PLEKHF2: variants seen among roughly 807,000 people sequenced by gnomAD.
PLEKHF2 encodes pleckstrin homology domain-containing family F member 2.
Under a neutral mutation model 14.7 loss-of-function variants are expected in PLEKHF2, and 4 were observed. That is an observed-to-expected ratio of 0.27 (90% confidence interval 0.13 to 0.62). PLEKHF2 has a LOEUF of 0.62. PLEKHF2 is among the 20% of genes least tolerant of loss of function. The pLI is 0.85. For synonymous variants in PLEKHF2, 90 were observed against 103.5 expected (o/e 0.87, Z 0.79); for missense variants, 201 against 307.7 (o/e 0.65, Z 2.60).
intron 1 of PLEKHF2, among the ~76,000 whole-genome samples, chr8:95,141,488 A>G (rs1810438584): frequency 6.6e-6 from 1 of 152,216 alleles, no homozygotes; most frequent in East Asian, 1.9e-4. Context: ...TTCCCACTAA[A>G]TAACTCCCCT....
intron 1 of PLEKHF2, among the ~76,000 whole-genome samples, chr8:95,138,897 C>CT (rs772291676): frequency 5.3e-5 from 8 of 152,114 alleles, no homozygotes; most frequent in Non-Finnish European, 8.8e-5. Flanking sequence ...ACTTTGTACA[C>CT]TTTTAATTTT....
chr8:95,154,815 A>C lies in PLEKHF2; in HGVS notation c.*21A>C. The C allele has an allele frequency of 6.2e-7, 1 of 1,607,848 alleles. No homozygotes were observed. The highest frequency in any genetic ancestry group is 8.5e-7 in the Non-Finnish European group (1 of 1,174,998). ...ACTAAGGACACATTTGGGAGTATTTAATCAGGTGTGGCTATCTGAGAAATC... is the reference window on the plus strand; with the variant it reads ...ACTAAGGACACATTTGGGAGTATTTCATCAGGTGTGGCTATCTGAGAAATC... On this transcript the variant is annotated 3_prime_UTR_variant, in exon 2 of 2. Coordinates refer to ENST00000315367, the MANE Select transcript of PLEKHF2 (RefSeq NM_024613.4). This position sits in a 1 kb window ranked among gnomAD's most constrained non-coding sequence, Gnocchi z 5.6.
At chr8:95,135,266 C>CTTT (rs1810363349) in intron 1 of PLEKHF2, among the ~76,000 whole-genome samples, 2 of 152,192 alleles carry the variant, frequency 1.3e-5, no homozygotes, top group African/African-American at 4.8e-5. Context: ...GTTAAATGAA[C>CTTT]TGAAAAGGCT....
At chr8:95,136,820 A>G (rs1242597390) in intron 1 of PLEKHF2, among the ~76,000 whole-genome samples, 2 of 152,252 alleles carry the variant, frequency 1.3e-5, no homozygotes, top group African/African-American at 4.8e-5. Context: ...ACTTAACTGA[A>G]TAAAAAATAC....
intron 1 of PLEKHF2, among the ~76,000 whole-genome samples, chr8:95,151,441 C>A (rs1348128998): frequency 1.3e-5 from 2 of 151,676 alleles, no homozygotes; most frequent in African/African-American, 4.8e-5. Context: ...ATATTCTCCC[C>A]TATCCTTACC....
intron 1 of PLEKHF2, among the ~76,000 whole-genome samples, chr8:95,152,380 C>A (rs115895916): frequency 6.6e-6 from 1 of 152,178 alleles, no homozygotes; most frequent in African/African-American, 2.4e-5. Flanking sequence ...TACACATATT[C>A]TCTGTAGTGT....
At chr8:95,135,063 G>A (rs1472813533) in intron 1 of PLEKHF2, among the ~76,000 whole-genome samples, 1 of 152,008 alleles carries the variant, frequency 6.6e-6, no homozygotes, top group Admixed American at 6.6e-5. Flanking sequence ...CAGTATTAAC[G>A]AAGGCTTCAT....
chr8:95,138,702 A>G (rs1297561969), intron 1 of PLEKHF2, among the ~76,000 whole-genome samples: 1 of 152,164 alleles, frequency 6.6e-6, no homozygotes, highest in Non-Finnish European at 1.5e-5. Context: ...TATATGTGCT[A>G]TTTAGAAACT....
At position 95,154,024 on chromosome 8, in the gene PLEKHF2, T is replaced by G; in HGVS notation, c.-14-7T>G. 1 of 1,497,556 alleles carries G rather than the reference T, an allele frequency of 6.7e-7. No individual in the cohort carries two copies. The highest frequency in any genetic ancestry group is 8.9e-7 in the Non-Finnish European group (1 of 1,122,248). The allele number at this position is 1,497,556 out of a possible 1,614,324, so 92.8% of individuals were successfully genotyped here. A position where few individuals can be genotyped will look rare whatever the true frequency, so the allele number is the denominator to read the frequency against. On this transcript the variant is annotated splice_region_variant and splice_polypyrimidine_tract_variant and intron_variant, in intron 1 of 1. Transcript: ENST00000315367. This position sits in a 1 kb window ranked among gnomAD's most constrained non-coding sequence, Gnocchi z 5.6. ...ATGTGCTAATTTCTTTTTCTTTTTTTTAAAAGGCTATTAGTGAAAGATGGT... is the reference window on the plus strand; with the variant it reads ...ATGTGCTAATTTCTTTTTCTTTTTTGTAAAAGGCTATTAGTGAAAGATGGT...
intron 1 of PLEKHF2, among the ~76,000 whole-genome samples, chr8:95,147,436 CTCATT>C (rs1473748383): frequency 6.6e-6 from 1 of 151,914 alleles, no homozygotes; most frequent in Non-Finnish European, 1.5e-5. Context: ...TATTTTATAA[CTCATT>C]TCATAGAGTC....
chr8:95,156,343 CT>C lies in PLEKHF2; in HGVS notation c.*1551del, dbSNP rs1349492841. On this transcript the variant is annotated 3_prime_UTR_variant, in exon 2 of 2. Coordinates refer to ENST00000315367, the MANE Select transcript of PLEKHF2 (RefSeq NM_024613.4). ...CTGTTTGGTTAAGGCACTAATTTTA[CT>C]TACCTATTAGATTTTGAAAGTATCT... 3 of 166,966 alleles carry C rather than the reference CT, an allele frequency of 1.8e-5. No homozygotes were observed. Among genetic ancestry groups the C allele is most frequent in the East Asian group, 1.9e-4 (1 of 5,206 alleles). 10.3% of individuals were successfully genotyped at this position (166,966 alleles called of 1,614,324 possible).
chr8:95,144,006 T>A (rs1810464809), intron 1 of PLEKHF2, among the ~76,000 whole-genome samples: 1 of 152,044 alleles, frequency 6.6e-6, no homozygotes, highest in Non-Finnish European at 1.5e-5. Context: ...TAAAACATTA[T>A]GAGATTTTTT....
intron 1 of PLEKHF2, among the ~76,000 whole-genome samples, chr8:95,135,405 C>T (rs1810364780): frequency 6.6e-6 from 1 of 151,748 alleles, no homozygotes; most frequent in Non-Finnish European, 1.5e-5. Flanking sequence ...TTTTTCCTTC[C>T]TTCCTTTTCC....
At position 95,154,082 on chromosome 8, in the gene PLEKHF2, G is replaced by T; in HGVS notation, c.38G>T (p.Arg13Ile). 1 of 1,609,566 alleles carries T rather than the reference G, an allele frequency of 6.2e-7. No homozygotes were observed. Among genetic ancestry groups the T allele is most frequent in the South Asian group, 1.1e-5 (1 of 90,228 alleles). ...TTGGCAAACAGTGAAGCAAATACTAGACGTATAAGTATAGTGGAAAACTGT... is the reference window on the plus strand; with the variant it reads ...TTGGCAAACAGTGAAGCAAATACTATACGTATAAGTATAGTGGAAAACTGT... ...DRLANSEANT[R>I]RISIVENCFG... The change falls in exon 2 of 2, where the codon AGA (arginine) becomes ATA (isoleucine). Residue 13 changes from arginine (R) to isoleucine (I), a missense_variant. Coordinates refer to ENST00000315367, the MANE Select transcript of PLEKHF2 (RefSeq NM_024613.4). This position sits in a 1 kb window ranked among gnomAD's most constrained non-coding sequence, Gnocchi z 5.6.
intron 1 of PLEKHF2, among the ~76,000 whole-genome samples, chr8:95,138,930 A>T (rs972028647): frequency 2.0e-5 from 3 of 152,232 alleles, no homozygotes; most frequent in African/African-American, 4.8e-5. Context: ...TGGAAATAGA[A>T]TTGTTGTATA....
intron 1 of PLEKHF2, among the ~76,000 whole-genome samples, chr8:95,148,495 A>G (rs186384420): frequency 1.3e-5 from 2 of 152,232 alleles, no homozygotes; most frequent in African/African-American, 4.8e-5. Context: ...CATAAGAATT[A>G]TGAAACAGAT....
chr8:95,149,058 A>G (rs1439901690), intron 1 of PLEKHF2, among the ~76,000 whole-genome samples: 2 of 152,142 alleles, frequency 1.3e-5, no homozygotes, highest in African/African-American at 4.8e-5. Flanking sequence ...TGTGTAACAC[A>G]CTCATAGATT....
chr8:95,142,677 C>T (rs2132106720), intron 1 of PLEKHF2, among the ~76,000 whole-genome samples: 1 of 152,242 alleles, frequency 6.6e-6, no homozygotes, highest in Admixed American at 6.5e-5. Context: ...TGAAAATATG[C>T]ACGTAATCAT....
intron 1 of PLEKHF2, among the ~76,000 whole-genome samples, chr8:95,143,756 CAGGTT>C (rs1291394326): frequency 2.6e-5 from 4 of 152,186 alleles, no homozygotes; most frequent in African/African-American, 9.7e-5. Flanking sequence ...TAGATTGCAG[CAGGTT>C]AGGACTTGAC....
Sources: allele counts gnomAD v4.1 joint callset (sites outside exome capture counted in the v4.1 genomes callset), GRCh38; gene constraint gnomAD v4.1.1; non-coding constraint Gnocchi (gnomAD v3.1); transcripts MANE v1.5; gene names NCBI Gene and HGNC (gene_info 2026-07-23, HGNC 2026-07-21).